QTGAL: variants seen among roughly 807,000 people sequenced by gnomAD.
The protein encoded by QTGAL is BGnT-like protein 1.
At chr17:83,031,817 C>T in the QTGAL span, among the ~76,000 whole-genome samples, 3 of 152,358 alleles carry the variant, frequency 2.0e-5, no homozygotes, top group East Asian at 3.9e-4. Context: ...CGAATCTGTT[C>T]GACTGTAACG....
the QTGAL span, among the ~76,000 whole-genome samples, chr17:82,991,216 G>C: frequency 6.6e-6 from 1 of 152,146 alleles, no homozygotes; most frequent in Non-Finnish European, 1.5e-5. Context: ...ATCCATGGGC[G>C]GGGAGTGGGG....
the QTGAL span, among the ~76,000 whole-genome samples, chr17:82,967,856 G>C: frequency 6.6e-6 from 1 of 152,038 alleles, no homozygotes; most frequent in African/African-American, 2.4e-5. Context: ...GATCCTTTGA[G>C]CTCCGGAAGT....
chr17:83,045,352 T>C, the QTGAL span, among the ~76,000 whole-genome samples: 1 of 152,222 alleles, frequency 6.6e-6, no homozygotes, highest in Non-Finnish European at 1.5e-5. Flanking sequence ...GTCTTTTAAA[T>C]GGTGTTGGAA....
the QTGAL span, among the ~76,000 whole-genome samples, chr17:83,046,198 C>T: frequency 2.0e-5 from 3 of 151,426 alleles, no homozygotes; most frequent in Non-Finnish European, 2.9e-5. Flanking sequence ...GGCACCATCT[C>T]GGCTCACTGC....
chr17:82,961,755 G>A, the QTGAL span, among the ~76,000 whole-genome samples: 22 of 152,320 alleles, frequency 1.4e-4, no homozygotes, highest in African/African-American at 4.3e-4. Flanking sequence ...GCTTATCCCC[G>A]AACACTCCCT....
chr17:82,970,726 C>T, the QTGAL span, among the ~76,000 whole-genome samples: 44 of 152,060 alleles, frequency 2.9e-4, no homozygotes, highest in Non-Finnish European at 5.7e-4. Context: ...GTCACGTGGC[C>T]GAAGCCCTGG....
the QTGAL span, among the ~76,000 whole-genome samples, chr17:82,982,384 C>A: frequency 6.6e-6 from 1 of 151,886 alleles, no homozygotes; most frequent in Non-Finnish European, 1.5e-5. Flanking sequence ...AGTTTTATCT[C>A]CAATGGAGGT....
the QTGAL span, among the ~76,000 whole-genome samples, chr17:82,997,321 A>G: frequency 6.6e-6 from 1 of 152,250 alleles, no homozygotes; most frequent in African/African-American, 2.4e-5. Flanking sequence ...GAGAAATGCA[A>G]ATAAAACATA....
the QTGAL span, chr17:83,035,116 A>G: frequency 4.4e-6 from 7 of 1,603,650 alleles, no homozygotes; most frequent in Non-Finnish European, 6.0e-6. Context: ...AAAAAAGAAG[A>G]GCAAAACTCT....
chr17:83,010,604 C>T, the QTGAL span, among the ~76,000 whole-genome samples: 1 of 152,394 alleles, frequency 6.6e-6, no homozygotes, highest in African/African-American at 2.4e-5. Flanking sequence ...CAGCCCTGTG[C>T]TCTGGGACTT....
At chr17:83,048,800 A>C in the QTGAL span, 1 of 1,599,748 alleles carries the variant, frequency 6.3e-7, no homozygotes, top group Non-Finnish European at 8.6e-7. Flanking sequence ...AATTCAAAAG[A>C]AATGGATTAA....
the QTGAL span, among the ~76,000 whole-genome samples, chr17:83,001,305 A>G: frequency 1.3e-5 from 2 of 152,232 alleles, no homozygotes; most frequent in South Asian, 2.1e-4. Context: ...ATCATTCAAC[A>G]TCGTCCACAA....
At chr17:82,965,504 C>A in the QTGAL span, 20 of 778,586 alleles carry the variant, frequency 2.6e-5, no homozygotes, top group Non-Finnish European at 4.1e-5. Context: ...GGAGGGGGCA[C>A]CGGGAGGACC....
At chr17:82,967,352 T>C in the QTGAL span, among the ~76,000 whole-genome samples, 1 of 152,170 alleles carries the variant, frequency 6.6e-6, no homozygotes, top group Non-Finnish European at 1.5e-5. Context: ...AGAGACACAA[T>C]GGCTGAGAAC....
At chr17:82,968,417 G>A in the QTGAL span, among the ~76,000 whole-genome samples, 1 of 151,694 alleles carries the variant, frequency 6.6e-6, no homozygotes, top group Non-Finnish European at 1.5e-5. Context: ...CAGTGTGCAC[G>A]GTGCACAGAT....
the QTGAL span, among the ~76,000 whole-genome samples, chr17:83,045,166 GAA>G: frequency 6.6e-6 from 1 of 152,136 alleles, no homozygotes; most frequent in Non-Finnish European, 1.5e-5. Context: ...AGAAAATTAA[GAA>G]AACAATTCAC....
At chr17:83,041,488 A>C in the QTGAL span, among the ~76,000 whole-genome samples, 6 of 152,256 alleles carry the variant, frequency 3.9e-5, no homozygotes, top group Admixed American at 3.9e-4. Flanking sequence ...AAATATTGAA[A>C]GCGACAAGAG....
At chr17:83,024,362 T>G in the QTGAL span, among the ~76,000 whole-genome samples, 46 of 152,318 alleles carry the variant, frequency 3.0e-4, no homozygotes, top group East Asian at 2.3e-3. Context: ...GTTTCCTGAA[T>G]AGTTTCTTGA....
chr17:82,958,523 C>T, the QTGAL span, among the ~76,000 whole-genome samples: 10 of 152,274 alleles, frequency 6.6e-5, no homozygotes, highest in African/African-American at 1.4e-4. Context: ...CTGCTGCCTC[C>T]GCCTCCCGGG....
Sources: allele counts gnomAD v4.1 joint callset (sites outside exome capture counted in the v4.1 genomes callset), GRCh38; gene constraint gnomAD v4.1.1; transcripts MANE v1.5; gene names NCBI Gene and HGNC (gene_info 2026-07-23, HGNC 2026-07-21).